The following ZNF75D variants were observed in gnomAD, a reference collection of about 807,000 sequenced individuals.
The protein encoded by ZNF75D is zinc finger protein 75.
A neutral mutation model predicts 33.3 loss-of-function variants in ZNF75D; 33 were observed. The observed-to-expected ratio is 0.99, with a 90% CI of 0.75 to 1.32. The LOEUF is 1.32. ZNF75D is among the 40% of genes most tolerant of loss of function. The pLI is 0.00. For missense variants in ZNF75D, 338 were observed against 367.5 expected (o/e 0.92, Z 0.66); for synonymous variants, 113 against 130.6 (o/e 0.87, Z 0.92).
At chrX:135,297,621 T>C (rs1340545701) in intron 1 of ZNF75D, 2 of 114,354 alleles carry the variant, frequency 1.7e-5, no homozygotes, top group African/African-American at 6.5e-5. Context: ...AACAACTTTA[T>C]AGGTGGAAGC....
chrX:135,278,288 T>G (rs1393810174), intron 1 of ZNF75D, among the ~76,000 whole-genome samples: 2 of 111,771 alleles, frequency 1.8e-5, no homozygotes, highest in African/African-American at 6.5e-5. Context: ...TTGGCTCATC[T>G]GTCTATTATT....
chrX:135,320,411 ATACATT>A (rs1325755184), intron 1 of ZNF75D, among the ~76,000 whole-genome samples: 2 of 111,941 alleles, frequency 1.8e-5, no homozygotes, highest in Non-Finnish European at 3.8e-5. Context: ...ATTTAATAAT[ATACATT>A]TAAAGTATAT....
chrX:135,291,144 G>A lies in ZNF75D; in HGVS notation c.697-9C>T, dbSNP rs200793233. On this transcript the variant is annotated splice_polypyrimidine_tract_variant and intron_variant, in intron 5 of 6. Transcript: ENST00000370766. Reference sequence around the variant, plus strand: ...TCAAATGTCAACAAACTCTAAAGAAGAGAATGGGCTATAGTTTAGTACTTG... The same window carrying A: ...TCAAATGTCAACAAACTCTAAAGAAAAGAATGGGCTATAGTTTAGTACTTG... 18 of 1,209,554 alleles carry A rather than the reference G, an allele frequency of 1.5e-5. No homozygotes were observed. The African/African-American group carries it at 3.0e-4, about 20-fold the overall frequency.
At chrX:135,314,075 A>C (rs2084390772) in intron 1 of ZNF75D, among the ~76,000 whole-genome samples, 1 of 111,837 alleles carries the variant, frequency 8.9e-6, no homozygotes, top group Admixed American at 9.5e-5. Context: ...TCCAGTTCTT[A>C]GAGGAAAGGC....
chrX:135,275,348 G>C (rs1243939414), intron 1 of ZNF75D, among the ~76,000 whole-genome samples: 1 of 112,152 alleles, frequency 8.9e-6, no homozygotes, highest in East Asian at 2.8e-4. Context: ...TTACTGTTTT[G>C]CATGTATAGT....
At chrX:135,259,891 T>C (rs1341759470) in intron 1 of ZNF75D, among the ~76,000 whole-genome samples, 2 of 112,032 alleles carry the variant, frequency 1.8e-5, no homozygotes, top group African/African-American at 3.2e-5. Flanking sequence ...AGGGAATGCT[T>C]CCAGTTTTTG....
intron 1 of ZNF75D, among the ~76,000 whole-genome samples, chrX:135,298,883 A>G (rs2084172559): frequency 8.9e-6 from 1 of 111,923 alleles, no homozygotes; most frequent in Non-Finnish European, 1.9e-5. Context: ...GAATCATATG[A>G]TATGTGATCT....
chrX:135,327,239 T>C (rs782797471), intron 1 of ZNF75D, among the ~76,000 whole-genome samples: 78 of 112,503 alleles, frequency 6.9e-4, no homozygotes, highest in African/African-American at 2.5e-3. Context: ...TGAGTTCAAT[T>C]AGTTTGTTGA....
chrX:135,333,370 A>G (rs1602663426), intron 1 of ZNF75D, among the ~76,000 whole-genome samples: 1 of 112,062 alleles, frequency 8.9e-6, no homozygotes, highest in East Asian at 2.8e-4. Context: ...AGGGCAAGGA[A>G]GGCCAGGTGA....
At chrX:135,306,052 C>T (rs1325514455) in intron 1 of ZNF75D, among the ~76,000 whole-genome samples, 2 of 111,362 alleles carry the variant, frequency 1.8e-5, no homozygotes, top group African/African-American at 6.5e-5. Flanking sequence ...TGGTTTGCGT[C>T]TGTGTCCACA....
At chrX:135,260,866 C>T (rs2083837893) in intron 1 of ZNF75D, among the ~76,000 whole-genome samples, 1 of 111,577 alleles carries the variant, frequency 9.0e-6, no homozygotes, top group South Asian at 3.7e-4. Flanking sequence ...GCTGTTGCTT[C>T]TCTAGTTCTT....
downstream of ZNF75D, among the ~76,000 whole-genome samples, chrX:135,282,618 T>G (rs782217055): frequency 1.7e-4 from 19 of 111,740 alleles, no homozygotes; most frequent in East Asian, 4.8e-3. Context: ...CCTGGTGGCA[T>G]AGGCACCTGA....
chrX:135,309,747 A>G (rs782758172), intron 1 of ZNF75D: 1 of 291,152 alleles, frequency 3.4e-6, no homozygotes, highest in East Asian at 4.8e-5. Flanking sequence ...CATTAATTAT[A>G]ATTAGAACAA....
intron 1 of ZNF75D, among the ~76,000 whole-genome samples, chrX:135,302,412 C>T: frequency 8.9e-6 from 1 of 111,821 alleles, no homozygotes; most frequent in Non-Finnish European, 1.9e-5. Context: ...AGTAAGTCAG[C>T]AAGTGAGTGA....
At position 135,343,650 on chromosome X, in the gene ZNF75D, A is replaced by G; in HGVS notation, c.-2273T>C. The G allele has an allele frequency of 9.0e-6, 1 of 111,535 alleles. No individual in the cohort carries two copies. Among genetic ancestry groups the G allele is most frequent in the Middle Eastern group, 4.6e-3 (1 of 217 alleles). 9.2% of individuals were successfully genotyped at this position (111,535 alleles called of 1,213,427 possible). A position where few individuals can be genotyped will look rare whatever the true frequency, so the allele number is the denominator to read the frequency against. Reference sequence around the variant, plus strand: ...CATAGTTTCCCTCTCACAGGAGGGGAACCTTTTCCGCTCGCGGGAGCCCAG... The same window carrying G: ...CATAGTTTCCCTCTCACAGGAGGGGGACCTTTTCCGCTCGCGGGAGCCCAG... On this transcript the variant is annotated 5_prime_UTR_variant, in exon 1 of 7. Transcript: ENST00000370766.
chrX:135,295,664 C>T (rs1192665833), intron 2 of ZNF75D, 104 bp downstream of exon 2: 1 of 112,189 alleles, frequency 8.9e-6, no homozygotes, highest in Non-Finnish European at 1.9e-5. Flanking sequence ...CACCCTCATT[C>T]CCTGCTACGC....
chrX:135,259,379 T>C (rs1054822975), intron 1 of ZNF75D, among the ~76,000 whole-genome samples: 2 of 111,930 alleles, frequency 1.8e-5, no homozygotes, highest in Non-Finnish European at 3.8e-5. Context: ...TATAAATTAC[T>C]TTGGGCAGTA....
chrX:135,321,677 G>A (rs2084497406), intron 1 of ZNF75D, among the ~76,000 whole-genome samples: 1 of 112,283 alleles, frequency 8.9e-6, no homozygotes, highest in Admixed American at 9.4e-5. Flanking sequence ...AGGTTGACGC[G>A]ATGGGAACCA....
At chrX:135,294,303 A>G in intron 2 of ZNF75D, 45 bp from the exon 3 acceptor site, 2 of 387,894 alleles carry the variant, frequency 5.2e-6, no homozygotes, top group Non-Finnish European at 8.8e-6. Flanking sequence ...AGAAAATCAC[A>G]TGACACATAT....
Sources: allele counts gnomAD v4.1 joint callset (sites outside exome capture counted in the v4.1 genomes callset), GRCh38; gene constraint gnomAD v4.1.1; transcripts MANE v1.5; gene names NCBI Gene and HGNC (gene_info 2026-07-23, HGNC 2026-07-21).